POU2F1: variants seen among roughly 807,000 people sequenced by gnomAD.
POU2F1 encodes POU class 2 homeobox 1.
In POU2F1, 16 loss-of-function variants were observed where a neutral mutation model predicts 84.9. The ratio of observed to expected loss-of-function variants is 0.19; its 90% CI spans 0.13 to 0.29. The LOEUF (loss-of-function observed/expected upper bound fraction) is 0.29. Among genes scored for constraint, POU2F1 ranks in the 10% least tolerant of loss-of-function variants. The pLI is 1.00. For missense variants in POU2F1, 738 were observed against 942.6 expected, an observed-to-expected ratio of 0.78 and a Z score of 2.84; for synonymous variants, 368 against 368.3, an observed-to-expected ratio of 1.00 and a Z score of 0.01.
chr1:167,411,832 A>G, intron 13 of POU2F1, 127 bp from the exon 14 acceptor site: 2 of 855,240 alleles, frequency 2.3e-6, no homozygotes, highest in South Asian at 1.9e-5. Context: ...AAACTAGGTT[A>G]TTAAAGGACA....
chr1:167,294,033 T>G (rs1261852288), intron 1 of POU2F1, among the ~76,000 whole-genome samples: 1 of 151,886 alleles, frequency 6.6e-6, no homozygotes, highest in Non-Finnish European at 1.5e-5. Context: ...TCTTCTGACA[T>G]TGGCCTAGGC....
chr1:167,294,172 C>CAAAA (rs60846607), intron 1 of POU2F1, among the ~76,000 whole-genome samples: 1,284 of 30,934 alleles, frequency 0.042, 39 homozygotes, highest in African/African-American at 0.05. Context: ...TACTAAAATA[C>CAAAA]AAAAAAAAAA....
Position 167,296,471 on chromosome 1 carries a change from A to G in POU2F1, c.62-35999A>G, listed in dbSNP as rs1654295507. Among the ~76,000 whole-genome samples, 6 of 152,124 alleles carry G rather than the reference A, an allele frequency of 3.9e-5. 1 individual carries two copies. In the South Asian group the frequency reaches 1.2e-3, roughly 31 times the overall value. ...TGTCTGAAGCAGAAAAACTTCTTTCAAGAGGTTCTTTGTGATAAAATAATA... is the reference window on the plus strand; with the variant it reads ...TGTCTGAAGCAGAAAAACTTCTTTCGAGAGGTTCTTTGTGATAAAATAATA... On this transcript the variant is annotated intron_variant, in intron 1 of 15. Transcript: ENST00000367866.
At chr1:167,322,716 A>G (rs945960821) in intron 1 of POU2F1, among the ~76,000 whole-genome samples, 1 of 152,240 alleles carries the variant, frequency 6.6e-6, no homozygotes, top group African/African-American at 2.4e-5. Context: ...GACAGCCTTC[A>G]GAGCTGAGAG....
At chr1:167,289,051 T>G (rs926772382) in intron 1 of POU2F1, among the ~76,000 whole-genome samples, 3 of 152,308 alleles carry the variant, frequency 2.0e-5, no homozygotes, top group East Asian at 3.9e-4. Context: ...TTTATTTTTA[T>G]TTTTTTAAAC....
chr1:167,266,165 G>A (rs984479917), intron 1 of POU2F1, among the ~76,000 whole-genome samples: 14 of 152,134 alleles, frequency 9.2e-5, no homozygotes, highest in African/African-American at 3.1e-4. Flanking sequence ...CAGGATACAT[G>A]TGCAGGACCT....
At chr1:167,275,245 T>G in intron 1 of POU2F1, among the ~76,000 whole-genome samples, 1 of 151,986 alleles carries the variant, frequency 6.6e-6, no homozygotes, top group Admixed American at 6.6e-5. Flanking sequence ...CAGAGTGATC[T>G]TGAACTCCTG....
intron 13 of POU2F1, among the ~76,000 whole-genome samples, chr1:167,408,160 T>C (rs1371213442): frequency 2.0e-5 from 3 of 152,138 alleles, no homozygotes; most frequent in African/African-American, 7.2e-5. Flanking sequence ...ATTAGGGAAG[T>C]GCAGATTAAA....
intron 1 of POU2F1, among the ~76,000 whole-genome samples, chr1:167,235,973 C>T (rs1649419523): frequency 6.6e-6 from 1 of 152,164 alleles, no homozygotes; most frequent in Non-Finnish European, 1.5e-5. Context: ...TTTAGTACCA[C>T]TCTATATTTT....
At chr1:167,243,062 G>A (rs1341896303) in intron 1 of POU2F1, among the ~76,000 whole-genome samples, 2 of 151,802 alleles carry the variant, frequency 1.3e-5, no homozygotes, top group Admixed American at 1.3e-4. Flanking sequence ...AGAATCTACT[G>A]TTCTTCAGTG....
chr1:167,222,545 A>G lies in POU2F1; in HGVS notation c.61+1587A>G, dbSNP rs536417508. 2.0e-5 allele frequency among the ~76,000 whole-genome samples: 3 copies of G among 151,772 alleles called. No homozygotes were observed. In the East Asian group the frequency reaches 5.8e-4, roughly 29 times the overall value. ...CAAACCCAGGCCGTGCTGGGAAGAG[A>G]GGGGGGAAGCTGGGCCTTGGCTTCT... On this transcript the variant is annotated intron_variant, in intron 1 of 15. Coordinates refer to ENST00000367866, the MANE Select transcript of POU2F1 (RefSeq NM_002697.4).
chr1:167,412,965 G>A, intron 14 of POU2F1, 61 bp from the exon 15 acceptor site: 1 of 1,377,932 alleles, frequency 7.3e-7, no homozygotes, highest in Non-Finnish European at 1.0e-6. Flanking sequence ...CTTTTGGTGT[G>A]TTGTCAAAAT....
intron 1 of POU2F1, among the ~76,000 whole-genome samples, chr1:167,260,553 T>A (rs1257651288): frequency 6.6e-6 from 1 of 152,196 alleles, no homozygotes; most frequent in Non-Finnish European, 1.5e-5. Flanking sequence ...GATGAGGATC[T>A]AATTGTTTAA....
intron 8 of POU2F1, chr1:167,387,149 C>G: frequency 2.2e-6 from 1 of 455,990 alleles, no homozygotes; most frequent in Non-Finnish European, 4.4e-6. Context: ...ATCCTGACTC[C>G]TGCTCACTGA....
chr1:167,286,199 T>C (rs188127442), intron 1 of POU2F1, among the ~76,000 whole-genome samples: 23 of 152,350 alleles, frequency 1.5e-4, no homozygotes, highest in African/African-American at 5.1e-4. Flanking sequence ...TAAATAGTTC[T>C]TTATTAATAT....
Position 167,416,104 on chromosome 1 carries a change from AAAG to A in POU2F1, c.*297_*299del, listed in dbSNP as rs1157150507. The A allele has an allele frequency of 5.6e-6, 3 of 536,800 alleles. No homozygotes were observed. The highest frequency in any genetic ancestry group is 1.8e-5 in the South Asian group (1 of 55,970). 33.3% of individuals were successfully genotyped at this position (536,800 alleles called of 1,614,324 possible). A position where few individuals can be genotyped will look rare whatever the true frequency, so the allele number is the denominator to read the frequency against. ...CCAAAAATTAAAAAAAAAAAAAAAA[AAAG>A]AAACAAAAAAATCAAAAACAAACAA... On this transcript the variant is annotated 3_prime_UTR_variant, in exon 16 of 16. Coordinates refer to ENST00000367866, the MANE Select transcript of POU2F1 (RefSeq NM_002697.4).
intron 7 of POU2F1, among the ~76,000 whole-genome samples, chr1:167,377,564 G>A (rs1660416738): frequency 6.6e-6 from 1 of 152,222 alleles, no homozygotes; most frequent in African/African-American, 2.4e-5. Flanking sequence ...TCCAGCCTGG[G>A]TGACAGAGTG....
At chr1:167,275,540 A>T (rs189462432) in intron 1 of POU2F1, among the ~76,000 whole-genome samples, 1 of 152,236 alleles carries the variant, frequency 6.6e-6, no homozygotes, top group Non-Finnish European at 1.5e-5. Flanking sequence ...AACAGTTCAG[A>T]TTTTTCATTC....
At position 167,419,955 on chromosome 1, in the gene POU2F1, A is replaced by G. The variant is rs753059885; in HGVS notation, c.*4145A>G. Reference sequence around the variant, plus strand: ...TACATCTCTCATTCATTGTTGGGGGAAAAAAAAGCACAACTATACCTCTTT... The same window carrying G: ...TACATCTCTCATTCATTGTTGGGGGGAAAAAAAGCACAACTATACCTCTTT... On this transcript the variant is annotated 3_prime_UTR_variant, in exon 16 of 16. Transcript: ENST00000367866. The G allele has an allele frequency of 1.3e-4, 19 of 151,806 alleles. 1 individual carries two copies. The highest frequency in any genetic ancestry group is 2.4e-4 in the African/African-American group (10 of 41,312). 9.4% of individuals were successfully genotyped at this position (151,806 alleles called of 1,614,324 possible).
Sources: gnomAD v4.1 joint callset for allele counts (sites outside exome capture counted in the v4.1 genomes callset) on GRCh38, gnomAD v4.1.1 for gene constraint, MANE v1.5 for transcripts, NCBI Gene and HGNC (gene_info 2026-07-23, HGNC 2026-07-21) for gene names.